The following C8orf74 variants were observed in gnomAD, a reference collection of about 807,000 sequenced individuals.
The protein encoded by C8orf74 is uncharacterized protein C8orf74.
A neutral mutation model predicts 22.2 loss-of-function variants in C8orf74; 29 were observed. The ratio of observed to expected loss-of-function variants is 1.31; its 90% CI spans 0.97 to 1.78. The LOEUF (loss-of-function observed/expected upper bound fraction) is 1.78. Among genes scored for constraint, C8orf74 ranks in the 40% most tolerant of loss-of-function variants. The probability of loss-of-function intolerance (pLI) is 0.00; values close to 1 mark genes in which losing one functional copy is unlikely to be tolerated. For missense variants in C8orf74, 515 were observed against 369.9 expected, an observed-to-expected ratio of 1.39 and a Z score of -3.22; for synonymous variants, 255 against 163.1, an observed-to-expected ratio of 1.56 and a Z score of -4.30.
chr8:10,683,378 TC>T (rs1189547751), intron 2 of C8orf74, among the ~76,000 whole-genome samples: 2 of 152,172 alleles, frequency 1.3e-5, no homozygotes, highest in African/African-American at 4.8e-5. Context: ...CAGGACCCCT[TC>T]CCACATCTGA....
chr8:10,682,548 G>C (rs1030711463), intron 2 of C8orf74, among the ~76,000 whole-genome samples: 3 of 152,170 alleles, frequency 2.0e-5, no homozygotes, highest in African/African-American at 7.2e-5. Flanking sequence ...TGGCGTCTCT[G>C]TGTGTGTCCA....
intron 2 of C8orf74, among the ~76,000 whole-genome samples, chr8:10,695,336 C>T (rs562622540): frequency 2.0e-5 from 3 of 152,234 alleles, no homozygotes; most frequent in South Asian, 4.2e-4. Context: ...AGTACCCTCC[C>T]GAGAGGAGTG....
chr8:10,675,216 G>C (rs956907054), intron 2 of C8orf74, among the ~76,000 whole-genome samples: 1 of 152,232 alleles, frequency 6.6e-6, no homozygotes, highest in Non-Finnish European at 1.5e-5. Flanking sequence ...AGGAGATCTG[G>C]CTTTGCTGCA....
intron 3 of C8orf74, 21 bp from the exon 4 acceptor site, chr8:10,700,214 G>A (rs760976050): frequency 7.2e-6 from 11 of 1,536,778 alleles, no homozygotes; most frequent in African/African-American, 4.2e-5. Context: ...CCTGCTCATC[G>A]GCCTTCCCCT....
At chr8:10,695,895 C>CCA (rs1292399953) in intron 2 of C8orf74, among the ~76,000 whole-genome samples, 1 of 152,170 alleles carries the variant, frequency 6.6e-6, no homozygotes, top group Non-Finnish European at 1.5e-5. Context: ...GTGGAATTCT[C>CCA]CAAAGCACAT....
At chr8:10,697,138 G>T (rs1003112256) in intron 2 of C8orf74, among the ~76,000 whole-genome samples, 5 of 152,140 alleles carry the variant, frequency 3.3e-5, no homozygotes, top group African/African-American at 9.7e-5. Context: ...CTAATGCATG[G>T]TAATAAGAAT....
At position 10,678,089 on chromosome 8, in the gene C8orf74, C is replaced by T. The variant is rs748011513; in HGVS notation, c.241+3251C>T. Among the ~76,000 whole-genome samples the T allele has an allele frequency of 3.9e-5, 6 of 152,124 alleles. 1 individual carries two copies. The highest frequency in any genetic ancestry group is 7.3e-5 in the Non-Finnish European group (5 of 68,028). On this transcript the variant is annotated intron_variant, in intron 2 of 3. Coordinates refer to ENST00000304519, the MANE Select transcript of C8orf74 (RefSeq NM_001040032.2). ...GGCATGGTTAATACAAACATGGACTCGAAACAAGCTCTTAGGTGGGCTTCC... is the reference window on the plus strand; with the variant it reads ...GGCATGGTTAATACAAACATGGACTTGAAACAAGCTCTTAGGTGGGCTTCC...
At chr8:10,694,857 T>C (rs566576672) in intron 2 of C8orf74, among the ~76,000 whole-genome samples, 1 of 151,866 alleles carries the variant, frequency 6.6e-6, no homozygotes, top group South Asian at 2.1e-4. Context: ...GAAAAATGGA[T>C]GGATGGAAGA....
At chr8:10,673,344 G>T (rs1185140870) in intron 1 of C8orf74, among the ~76,000 whole-genome samples, 1 of 152,130 alleles carries the variant, frequency 6.6e-6, no homozygotes, top group East Asian at 1.9e-4. Context: ...AGGGCCAGCT[G>T]AACTCTCAAG....
chr8:10,684,139 A>T (rs1799212737), intron 2 of C8orf74, among the ~76,000 whole-genome samples: 1 of 152,204 alleles, frequency 6.6e-6, no homozygotes, highest in South Asian at 2.1e-4. Context: ...CATCTCATTT[A>T]GTCCCCATGG....
At chr8:10,673,436 G>A (rs978129649) in intron 1 of C8orf74, 1 of 152,154 alleles carries the variant, frequency 6.6e-6, no homozygotes, top group Non-Finnish European at 1.5e-5. Context: ...TTTTCACCAA[G>A]CAAGACTCAT....
chr8:10,676,932 G>T (rs1799045053), intron 2 of C8orf74, among the ~76,000 whole-genome samples: 1 of 152,308 alleles, frequency 6.6e-6, no homozygotes, highest in Non-Finnish European at 1.5e-5. Flanking sequence ...GCCTCCACAG[G>T]CCAAGCCCTT....
intron 2 of C8orf74, among the ~76,000 whole-genome samples, chr8:10,686,208 C>T (rs1057044508): frequency 2.0e-5 from 3 of 152,198 alleles, no homozygotes; most frequent in African/African-American, 7.2e-5. Flanking sequence ...TCCATTCACT[C>T]CTAAAAAATG....
intron 2 of C8orf74, among the ~76,000 whole-genome samples, chr8:10,680,428 T>C (rs1269949206): frequency 6.6e-6 from 1 of 152,188 alleles, no homozygotes; most frequent in Non-Finnish European, 1.5e-5. Flanking sequence ...TTCGCTACCA[T>C]ATGGCTGGAG....
At chr8:10,696,753 C>T (rs1345458865) in intron 2 of C8orf74, among the ~76,000 whole-genome samples, 1 of 152,086 alleles carries the variant, frequency 6.6e-6, no homozygotes, top group Non-Finnish European at 1.5e-5. Flanking sequence ...CCACTGCCTC[C>T]TACTCCACTC....
At chr8:10,681,772 G>C (rs1037206647) in intron 2 of C8orf74, among the ~76,000 whole-genome samples, 1 of 152,192 alleles carries the variant, frequency 6.6e-6, no homozygotes, top group African/African-American at 2.4e-5. Context: ...GGCCAGGCCC[G>C]CCAATCCCAG....
At chr8:10,687,067 T>C (rs1029894730) in intron 2 of C8orf74, 2 of 456,120 alleles carry the variant, frequency 4.4e-6, no homozygotes, top group Non-Finnish European at 8.8e-6. Flanking sequence ...TGCTTCATTC[T>C]CTGCCAAACC....
intron 2 of C8orf74, among the ~76,000 whole-genome samples, chr8:10,682,819 G>A (rs34837434): frequency 0.057 from 8,743 of 152,286 alleles, 284 homozygotes; most frequent in South Asian, 0.083. Context: ...CCTGCCTTCC[G>A]CAAGAGACTA....
At position 10,700,367 on chromosome 8, in the gene C8orf74, G is replaced by GCCCCCCCCCCCAGACCCCCCC; in HGVS notation, c.786_787insCCCCCCAGACCCCCCCCCCCC (p.Pro262_Thr263insProProArgProProProPro). 2 of 1,590,938 alleles carry GCCCCCCCCCCCAGACCCCCCC rather than the reference G, an allele frequency of 1.3e-6. No individual in the cohort carries two copies. The highest frequency in any genetic ancestry group is 1.7e-6 in the Non-Finnish European group (2 of 1,159,766). On this transcript the variant is annotated inframe_insertion, in exon 4 of 4. Transcript: ENST00000304519. ...TCAGAAGAAGACTCTGAACCTCAAC[G>GCCCCCCCCCCCAGACCCCCCC]CCCCCACCCCTATCCCGCCCCCCAT...
Sources: allele counts gnomAD v4.1 joint callset (sites outside exome capture counted in the v4.1 genomes callset), GRCh38; gene constraint gnomAD v4.1.1; transcripts MANE v1.5; gene names NCBI Gene and HGNC (gene_info 2026-07-23, HGNC 2026-07-21).